DNAJC6: variants seen among roughly 807,000 people sequenced by gnomAD.
DNAJC6 encodes auxilin.
DNAJC6 carries 34 observed loss-of-function variants against 110.0 expected under a neutral mutation model. That is an observed-to-expected ratio of 0.31 (90% CI 0.24 to 0.41). The LOEUF is 0.41. DNAJC6 is among the 10% of genes least tolerant of loss of function. The probability of loss-of-function intolerance (pLI) is 1.00; values close to 1 mark genes in which losing one functional copy is unlikely to be tolerated. For missense variants in DNAJC6, 1,031 were observed against 1,207.8 expected, an observed-to-expected ratio of 0.85 and a Z score of 2.17; for synonymous variants, 406 against 437.2, an observed-to-expected ratio of 0.93 and a Z score of 0.89.
At position 65,406,936 on chromosome 1, in the gene DNAJC6, C is replaced by T. The variant is rs79805924; in HGVS notation, c.2491+803C>T. Among the ~76,000 whole-genome samples the T allele has an allele frequency of 8.2e-3, 1,243 of 152,260 alleles. 14 individuals are homozygous for T. Among genetic ancestry groups the T allele is most frequent in the African/African-American group, 0.025 (1,058 of 41,540 alleles). On this transcript the variant is annotated intron_variant, in intron 16 of 18. Transcript: ENST00000371069. ...CTTATGCTCTTCCTAATAGCTGTAG[C>T]TAACATTTATTGAGTCCTTACTGTA...
chr1:65,340,244 G>A (rs1225073014), intron 1 of DNAJC6, among the ~76,000 whole-genome samples: 1 of 152,224 alleles, frequency 6.6e-6, no homozygotes, highest in East Asian at 1.9e-4. Context: ...CAAGAGTGCT[G>A]AGAGACGAGG....
At chr1:65,380,937 T>TG (rs10528448) in intron 5 of DNAJC6, among the ~76,000 whole-genome samples, 4 of 145,108 alleles carry the variant, frequency 2.8e-5, no homozygotes, top group East Asian at 2.0e-4. Flanking sequence ...TTTTTTTTTT[T>TG]GGGACCGAGT....
intron 1 of DNAJC6, among the ~76,000 whole-genome samples, chr1:65,301,789 T>G (rs376188212): frequency 6.6e-5 from 10 of 152,090 alleles, no homozygotes; most frequent in African/African-American, 2.4e-4. Context: ...TGTGTTAAAA[T>G]GTGATTCATG....
rs150823636 is a variant in DNAJC6 at position 65,294,072 on chromosome 1, GA to G, written c.-131+29145del. On this transcript the variant is annotated intron_variant, in intron 1 of 19. Transcript: ENST00000263441. Reference sequence around the variant, plus strand: ...CAAGGAATTCATTTGTTGCTACAAAGAAAAAGCAATGAAAGGACTTTGTGAA... The same window carrying G: ...CAAGGAATTCATTTGTTGCTACAAAGAAAAGCAATGAAAGGACTTTGTGAA... Among the ~76,000 whole-genome samples, 472 of 152,254 alleles carry G rather than the reference GA, an allele frequency of 3.1e-3. 1 individual carries two copies. Among genetic ancestry groups the G allele is most frequent in the African/African-American group, 0.011 (454 of 41,566 alleles).
Position 65,330,470 on chromosome 1 carries a change from G to T in DNAJC6, c.193+20532G>T, listed in dbSNP as rs560070254. 4.3e-3 allele frequency among the ~76,000 whole-genome samples: 645 copies of T among 150,168 alleles called. 4 individuals carry two copies. The highest frequency in any genetic ancestry group is 0.012 in the African/African-American group (495 of 40,932). On this transcript the variant is annotated intron_variant, in intron 1 of 18. Coordinates refer to ENST00000371069, the MANE Select transcript of DNAJC6 (RefSeq NM_001256864.2). ...ATGAAAGTCTATTTCTTTTTTTTTT[G>T]TTTTGTTTTGTTTTTTGAGACGGAG...
intron 1 of DNAJC6, among the ~76,000 whole-genome samples, chr1:65,361,954 A>T (rs906377334): frequency 6.6e-6 from 1 of 152,226 alleles, no homozygotes; most frequent in Non-Finnish European, 1.5e-5. Context: ...AATTTTAAAC[A>T]AAAGTAAGTG....
intron 5 of DNAJC6, 163 bp from the exon 6 acceptor site, chr1:65,384,030 G>A (rs1645847140): frequency 1.4e-6 from 1 of 731,466 alleles, no homozygotes; most frequent in Non-Finnish European, 1.9e-6. Flanking sequence ...TTAAAAAGCT[G>A]AAACAAATTT....
At chr1:65,329,339 G>C (rs994548764) in intron 1 of DNAJC6, among the ~76,000 whole-genome samples, 1 of 152,068 alleles carries the variant, frequency 6.6e-6, no homozygotes, top group African/African-American at 2.4e-5. Context: ...GTAGCTATGA[G>C]CCTATATTGT....
chr1:65,296,915 C>T (rs76174263), intron 1 of DNAJC6, among the ~76,000 whole-genome samples: 8,864 of 152,126 alleles, frequency 0.058, 850 homozygotes, highest in African/African-American at 0.2. Flanking sequence ...CAGGCATCTA[C>T]CCTGTGTCAG....
At chr1:65,283,214 G>T (rs1175921530) in intron 1 of DNAJC6, among the ~76,000 whole-genome samples, 1 of 152,136 alleles carries the variant, frequency 6.6e-6, no homozygotes, top group African/African-American at 2.4e-5. Context: ...TGTACTATGT[G>T]AATACATGTA....
At chr1:65,329,850 G>T (rs1463781546) in intron 1 of DNAJC6, among the ~76,000 whole-genome samples, 1 of 152,100 alleles carries the variant, frequency 6.6e-6, no homozygotes, top group Non-Finnish European at 1.5e-5. Context: ...ACATTGCTGG[G>T]ATGTTTATTG....
intron 1 of DNAJC6, among the ~76,000 whole-genome samples, chr1:65,331,989 G>T (rs1356194464): frequency 6.6e-6 from 1 of 152,144 alleles, no homozygotes; most frequent in Admixed American, 6.5e-5. Flanking sequence ...CTCTGGGGGG[G>T]CCTGGACTTC....
chr1:65,330,275 T>A (rs751610151), intron 1 of DNAJC6, among the ~76,000 whole-genome samples: 1 of 152,188 alleles, frequency 6.6e-6, no homozygotes, highest in African/African-American at 2.4e-5. Context: ...CAACAGAGGA[T>A]GTTTAATTCT....
At chr1:65,375,588 G>T (rs1436933380) in intron 4 of DNAJC6, among the ~76,000 whole-genome samples, 1 of 151,978 alleles carries the variant, frequency 6.6e-6, no homozygotes, top group South Asian at 2.1e-4. Context: ...ACCACGCCCG[G>T]CTAATTTTTT....
upstream of DNAJC6, among the ~76,000 whole-genome samples, chr1:65,304,816 G>GTATT (rs1435597928): frequency 6.6e-6 from 1 of 152,232 alleles, no homozygotes; most frequent in African/African-American, 2.4e-5. Flanking sequence ...AGGAGGCTGA[G>GTATT]TATTCTACAT....
At chr1:65,271,870 CAAA>C (rs61066958) in intron 1 of DNAJC6, among the ~76,000 whole-genome samples, 21 of 133,196 alleles carry the variant, frequency 1.6e-4, no homozygotes, top group South Asian at 2.5e-4. Context: ...GACTCCATCT[CAAA>C]AAAAAAAAAA....
chr1:65,364,827 T>C lies in DNAJC6; in HGVS notation c.344+42T>C, dbSNP rs1355569066. The stretch of plus-strand genomic sequence containing the variant: ...CAGTTAATTTAGTGGATCCCCATGC[T>C]CTCAAAGGATCTGGTTACCTGCTGA... On this transcript the variant is annotated intron_variant, in intron 2 of 18. Transcript: ENST00000371069. The C allele has an allele frequency of 5.6e-6, 9 of 1,605,266 alleles. No homozygotes were observed. The Admixed American group carries it at 6.7e-5, about 12-fold the overall frequency.
intron 1 of DNAJC6, among the ~76,000 whole-genome samples, chr1:65,280,905 C>T (rs1459831770): frequency 1.3e-5 from 2 of 151,960 alleles, no homozygotes; most frequent in African/African-American, 4.8e-5. Context: ...GGGAAAATTA[C>T]ATGGCTAAAA....
At position 65,394,916 on chromosome 1, in the gene DNAJC6, T is replaced by C; in HGVS notation, c.1922T>C (p.Phe641Ser). The C allele has an allele frequency of 1.2e-6, 2 of 1,603,736 alleles. No homozygotes were observed. Among genetic ancestry groups the C allele is most frequent in the Non-Finnish European group, 1.7e-6 (2 of 1,176,804 alleles). Residue 641 changes from phenylalanine (F) to serine (S), a missense_variant, in exon 13 of 19, where the codon TTT becomes TCT. Phe to Ser is a radical substitution (Grantham distance 155). Coordinates refer to ENST00000371069, the MANE Select transcript of DNAJC6 (RefSeq NM_001256864.2). The part of the protein sequence containing the change: ...RVGEGATFDP[F>S]GAPSKPSGQD... ...TTTCTAGGTGCCACCTTTGACCCAT[T>C]TGGAGCACCTTCTAAACCATCAGGT...
Sources: allele counts gnomAD v4.1 joint callset (sites outside exome capture counted in the v4.1 genomes callset), GRCh38; gene constraint gnomAD v4.1.1; transcripts MANE v1.5; gene names NCBI Gene and HGNC (gene_info 2026-07-23, HGNC 2026-07-21).